Variants in PSG2 observed in about 807,000 individuals in gnomAD.
PSG2 encodes the protein pregnancy specific beta-1-glycoprotein 2.
Under a neutral mutation model 36.2 loss-of-function variants are expected in PSG2, and 49 were observed. That is an observed-to-expected ratio of 1.35 (90% CI 1.08 to 1.72). The LOEUF (loss-of-function observed/expected upper bound fraction) is 1.72. Among genes scored for constraint, PSG2 ranks in the 40% most tolerant of loss-of-function variants. The pLI is 0.00. For missense variants in PSG2, 605 were observed against 407.2 expected, an observed-to-expected ratio of 1.49 and a Z score of -4.18; for synonymous variants, 261 against 155.6, an observed-to-expected ratio of 1.68 and a Z score of -5.04.
chr19:43,073,301 G>A (rs2122904513), intron 3 of PSG2, among the ~76,000 whole-genome samples: 1 of 151,928 alleles, frequency 6.6e-6, no homozygotes, highest in Non-Finnish European at 1.5e-5. Flanking sequence ...GAATGATCTA[G>A]AAAGAGTGAA....
At chr19:43,068,645 G>A (rs1310044811) in intron 4 of PSG2, among the ~76,000 whole-genome samples, 1 of 151,520 alleles carries the variant, frequency 6.6e-6, no homozygotes, top group Non-Finnish European at 1.5e-5. Flanking sequence ...TAATAAGATT[G>A]AATCAATAAA....
rs1200792437 is a variant in PSG2 at position 43,071,933 on chromosome 19, A to C, written c.731T>G (p.Ile244Ser). The C allele has an allele frequency of 6.2e-7, 1 of 1,612,672 alleles. No homozygotes were observed. Among genetic ancestry groups the C allele is most frequent in the East Asian group, 2.2e-5 (1 of 44,872 alleles). ...NLLHGPDLPR[I>S]HPSYTNYRSG... ...ACGGTAATTGGTGTATGAAGGGTGA[A>C]TTCTGGGGAGGTCTGGACCATCTGG... The change falls in exon 4 of 6, where the codon ATT (isoleucine) becomes AGT (serine). Residue 244 changes from isoleucine to serine, a missense_variant. Transcript: ENST00000406487.
Position 43,082,659 on chromosome 19 carries a change from C to T in PSG2, c.-90G>A, listed in dbSNP as rs1599713067. 2 of 1,560,290 alleles carry T rather than the reference C, an allele frequency of 1.3e-6. 1 individual carries two copies. Among genetic ancestry groups the T allele is most frequent in the East Asian group, 4.5e-5 (2 of 44,254 alleles). ...ACGGCTGTCAGCTGTGCTGTCCTTC[C>T]TCCTTCTGCACTGAGCCTCTTCCTG... On this transcript the variant is annotated 5_prime_UTR_variant, in exon 1 of 6. Transcript: ENST00000406487.
rs115932076 is a variant in PSG2 at position 43,076,765 on chromosome 19, G to C, written c.431-1133C>G. ...TCTCCTGTACAGCCTCGTGCCTATA[G>C]TTCATTCAGATAAAGTGCTCCTTAT... On this transcript the variant is annotated intron_variant, in intron 2 of 5. Transcript: ENST00000406487. Among the ~76,000 whole-genome samples the C allele has an allele frequency of 4.6e-3, 699 of 151,748 alleles. 24 individuals carry two copies. Among genetic ancestry groups the C allele is most frequent in the African/African-American group, 0.017 (683 of 41,142 alleles).
At chr19:43,072,034 A>T in intron 3 of PSG2, 80 bp from the exon 4 acceptor site, 1 of 1,533,316 alleles carries the variant, frequency 6.5e-7, no homozygotes, top group Non-Finnish European at 8.9e-7. Context: ...GGACACAGTG[A>T]CCCTCTGAGA....
In PSG2 at chr19:43,082,580, G is replaced by C. The variant is rs775240043; in HGVS notation, c.-11C>G. Reference sequence around the variant, plus strand: ...TGAGAGGGGCCCCATGGTCTCTGCTGCCTGTGTGTTCTCCTCTGTGGAGAT... The same window carrying C: ...TGAGAGGGGCCCCATGGTCTCTGCTCCCTGTGTGTTCTCCTCTGTGGAGAT... On this transcript the variant is annotated 5_prime_UTR_variant, in exon 1 of 6. Coordinates refer to ENST00000406487, the MANE Select transcript of PSG2 (RefSeq NM_031246.4). 6.2e-6 allele frequency: 10 copies of C among 1,611,170 alleles called. No individual in the cohort carries two copies. The Admixed American group carries it at 8.4e-5, about 13-fold the overall frequency.
Position 43,071,937 on chromosome 19 carries a change from T to C in PSG2, c.727A>G (p.Arg243Gly), listed in dbSNP as rs753595267. 6.2e-7 allele frequency: 1 copy of C among 1,612,652 alleles called. No homozygotes were observed. Among genetic ancestry groups the C allele is most frequent in the South Asian group, 1.1e-5 (1 of 91,030 alleles). ...TAATTGGTGTATGAAGGGTGAATTC[T>C]GGGGAGGTCTGGACCATCTGGAGCA... Reference protein sequence around the residue: ...LNLLHGPDLPRIHPSYTNYRS... With the variant: ...LNLLHGPDLPGIHPSYTNYRS... The change falls in exon 4 of 6, where the codon AGA (arginine) becomes GGA (glycine). Residue 243 changes from arginine (R) to glycine (G), a missense_variant. Transcript: ENST00000406487.
rs936648949 is a variant in PSG2, at chr19:43,073,826, A to G, written c.709+1528T>C. Among the ~76,000 whole-genome samples the G allele has an allele frequency of 1.4e-4, 21 of 151,656 alleles. 2 individuals carry two copies. The highest frequency in any genetic ancestry group is 4.4e-4 in the African/African-American group (18 of 41,060). ...AGACTTAAGACAAAAAGTGTTTCGG[A>G]TTTCTGACATTTTTTGATTCTGAAA... On this transcript the variant is annotated intron_variant, in intron 3 of 5. Coordinates refer to ENST00000406487, the MANE Select transcript of PSG2 (RefSeq NM_031246.4).
chr19:43,064,859 T>C (rs1967718724), intron 5 of PSG2, among the ~76,000 whole-genome samples: 2 of 151,698 alleles, frequency 1.3e-5, no homozygotes, highest in East Asian at 1.9e-4. Flanking sequence ...TCAGATGGAG[T>C]CTCACTCTGT....
At chr19:43,073,819 G>A in intron 3 of PSG2, among the ~76,000 whole-genome samples, 1 of 151,636 alleles carries the variant, frequency 6.6e-6, no homozygotes, top group Admixed American at 6.6e-5. Flanking sequence ...GACAAAAAGT[G>A]TTTCGGATTT....
At position 43,073,159 on chromosome 19, in the gene PSG2, G is replaced by A. The variant is rs566610723; in HGVS notation, c.710-1205C>T. Reference sequence around the variant, plus strand: ...GATGTTTCAGCAGAAATAACACAGGGGAGACCAGAGTCAAGCCTGGAGGTC... The same window carrying A: ...GATGTTTCAGCAGAAATAACACAGGAGAGACCAGAGTCAAGCCTGGAGGTC... On this transcript the variant is annotated intron_variant, in intron 3 of 5. Transcript: ENST00000406487. Among the ~76,000 whole-genome samples, 38 of 151,966 alleles carry A rather than the reference G, an allele frequency of 2.5e-4. 3 individuals are homozygous for A. Among genetic ancestry groups the A allele is most frequent in the African/African-American group, 9.0e-4 (37 of 41,290 alleles).
At chr19:43,082,299 C>A (rs113799041) in intron 1 of PSG2, 2 of 723,056 alleles carry the variant, frequency 2.8e-6, no homozygotes, top group East Asian at 3.2e-5. Context: ...CACGACAATA[C>A]CTGGTTAATT....
intron 4 of PSG2, among the ~76,000 whole-genome samples, chr19:43,068,466 A>AG (rs1555765853): frequency 6.8e-6 from 1 of 147,062 alleles, no homozygotes; most frequent in African/African-American, 2.6e-5. Context: ...AAAAAAAAAA[A>AG]AAAGAAAGAA....
chr19:43,077,900 C>T (rs1967919859), intron 2 of PSG2, among the ~76,000 whole-genome samples: 1 of 151,650 alleles, frequency 6.6e-6, no homozygotes, highest in African/African-American at 2.4e-5. Flanking sequence ...AGTGTTGGAA[C>T]CGAGTGACAA....
chr19:43,079,869 C>T (rs1359052390), intron 2 of PSG2, among the ~76,000 whole-genome samples: 2 of 151,588 alleles, frequency 1.3e-5, no homozygotes, highest in Admixed American at 6.6e-5. Flanking sequence ...AGAGGAAGGG[C>T]CTGTGGCTGC....
At chr19:43,075,192 T>G (rs554593884) in intron 3 of PSG2, among the ~76,000 whole-genome samples, 162 bp downstream of exon 3, 1 of 151,908 alleles carries the variant, frequency 6.6e-6, no homozygotes, top group South Asian at 2.1e-4. Context: ...GGATCAAGCC[T>G]AGGCCTATTC....
chr19:43,077,639 A>G (rs559356103), intron 2 of PSG2, among the ~76,000 whole-genome samples: 1 of 151,902 alleles, frequency 6.6e-6, no homozygotes, highest in African/African-American at 2.4e-5. Context: ...ACCATCAGAT[A>G]GCACCCACCT....
intron 4 of PSG2, among the ~76,000 whole-genome samples, chr19:43,069,305 C>T (rs114087822): frequency 6.6e-6 from 1 of 151,504 alleles, no homozygotes; most frequent in Non-Finnish European, 1.5e-5. Context: ...GCTGCGGATT[C>T]AATACAATTC....
intron 5 of PSG2, chr19:43,065,965 C>G (rs1424653689): frequency 6.5e-6 from 1 of 154,422 alleles, no homozygotes; most frequent in African/African-American, 2.4e-5. Flanking sequence ...TGTAGGAAGA[C>G]AGTTCTAATT....
Sources: allele counts gnomAD v4.1 joint callset (sites outside exome capture counted in the v4.1 genomes callset), GRCh38; gene constraint gnomAD v4.1.1; transcripts MANE v1.5; gene names NCBI Gene and HGNC (gene_info 2026-07-23, HGNC 2026-07-21).